Variants in L3MBTL4 observed in about 807,000 individuals in gnomAD.
L3MBTL4 encodes the protein lethal(3)malignant brain tumor-like protein 4.
A neutral mutation model predicts 84.5 loss-of-function variants in L3MBTL4; 70 were observed. That is an observed-to-expected ratio of 0.83 (90% CI 0.68 to 1.01). The LOEUF (loss-of-function observed/expected upper bound fraction) is 1.01, where lower values mean the gene tolerates loss of function less well. L3MBTL4 is among the 50% of genes least tolerant of loss of function. The probability of loss-of-function intolerance (pLI) is 0.00; values close to 1 mark genes in which losing one functional copy is unlikely to be tolerated. For missense variants in L3MBTL4, 715 were observed against 754.8 expected, an observed-to-expected ratio of 0.95 and a Z score of 0.62; for synonymous variants, 274 against 259.8, an observed-to-expected ratio of 1.05 and a Z score of -0.52.
At chr18:6,218,839 T>C (rs1210873820) in intron 10 of L3MBTL4, among the ~76,000 whole-genome samples, 1 of 152,076 alleles carries the variant, frequency 6.6e-6, no homozygotes, top group Non-Finnish European at 1.5e-5. Flanking sequence ...AAGCAAGAAG[T>C]AGGGCTGCAG....
intron 1 of L3MBTL4, among the ~76,000 whole-genome samples, chr18:6,412,495 T>C (rs1048490185): frequency 2.0e-5 from 3 of 152,166 alleles, no homozygotes; most frequent in African/African-American, 7.2e-5. Flanking sequence ...TTCTGCTTCC[T>C]TGGTCAGACT....
At chr18:6,008,736 G>T (rs1052285016) in intron 16 of L3MBTL4, among the ~76,000 whole-genome samples, 2 of 152,128 alleles carry the variant, frequency 1.3e-5, no homozygotes, top group Admixed American at 1.3e-4. Flanking sequence ...GAGTATCACG[G>T]GTTTGGATTT....
At chr18:6,108,385 G>T (rs1366294693) in intron 14 of L3MBTL4, among the ~76,000 whole-genome samples, 4 of 152,120 alleles carry the variant, frequency 2.6e-5, no homozygotes, top group African/African-American at 9.7e-5. Flanking sequence ...TAAAAAAACA[G>T]TTACAATAGA....
At chr18:6,378,727 T>G (rs183287862) in intron 1 of L3MBTL4, among the ~76,000 whole-genome samples, 1 of 152,206 alleles carries the variant, frequency 6.6e-6, no homozygotes, top group African/African-American at 2.4e-5. Context: ...TGTAGCCTTG[T>G]AGTATAGTTT....
chr18:6,142,936 T>G (rs1414217714), intron 13 of L3MBTL4, among the ~76,000 whole-genome samples: 1 of 152,114 alleles, frequency 6.6e-6, no homozygotes, highest in Non-Finnish European at 1.5e-5. Context: ...GCTTGTGTCA[T>G]TCAGTAAATA....
At chr18:6,303,124 G>A (rs966459478) in intron 3 of L3MBTL4, among the ~76,000 whole-genome samples, 1 of 151,932 alleles carries the variant, frequency 6.6e-6, no homozygotes, top group Non-Finnish European at 1.5e-5. Context: ...TAGTTTTTTG[G>A]GGTTTTTTTG....
At chr18:6,096,193 C>A (rs2058638732) in intron 14 of L3MBTL4, among the ~76,000 whole-genome samples, 1 of 152,164 alleles carries the variant, frequency 6.6e-6, no homozygotes, top group African/African-American at 2.4e-5. Flanking sequence ...ACAGACCCCT[C>A]CACAGTGAGC....
chr18:6,410,061 T>C (rs1052763525), intron 1 of L3MBTL4, among the ~76,000 whole-genome samples: 2 of 146,516 alleles, frequency 1.4e-5, no homozygotes, highest in African/African-American at 5.1e-5. Flanking sequence ...CCTGGATACC[T>C]GCAATGGCAT....
intron 15 of L3MBTL4, among the ~76,000 whole-genome samples, chr18:6,092,307 C>A (rs1598722291): frequency 6.6e-6 from 1 of 152,280 alleles, no homozygotes; most frequent in Middle Eastern, 3.4e-3. Context: ...AAAGTGTATC[C>A]TATGAGCCAA....
intron 16 of L3MBTL4, among the ~76,000 whole-genome samples, chr18:6,040,723 CT>C (rs2145709129): frequency 6.6e-6 from 1 of 152,130 alleles, no homozygotes; most frequent in Admixed American, 6.5e-5. Flanking sequence ...TGAAAAGAAC[CT>C]ACATTAGTCC....
chr18:6,342,151 C>A (rs2052638215), intron 1 of L3MBTL4, among the ~76,000 whole-genome samples: 1 of 152,100 alleles, frequency 6.6e-6, no homozygotes, highest in Non-Finnish European at 1.5e-5. Context: ...AAAGTTTAAA[C>A]AAAAGGACAC....
intron 13 of L3MBTL4, among the ~76,000 whole-genome samples, chr18:6,149,064 A>G (rs1472173790): frequency 6.6e-6 from 1 of 152,142 alleles, no homozygotes; most frequent in Non-Finnish European, 1.5e-5. Flanking sequence ...TATTATTATT[A>G]TACTTTAAGT....
intron 1 of L3MBTL4, among the ~76,000 whole-genome samples, chr18:6,337,818 GA>G (rs1489174751): frequency 6.6e-6 from 1 of 151,860 alleles, no homozygotes; most frequent in African/African-American, 2.4e-5. Context: ...TAACTATAAA[GA>G]AATCCAAATC....
At chr18:5,980,865 G>A (rs567708570) in intron 16 of L3MBTL4, among the ~76,000 whole-genome samples, 29 of 152,320 alleles carry the variant, frequency 1.9e-4, no homozygotes, top group African/African-American at 7.0e-4. Flanking sequence ...AAGCAGCGGT[G>A]CACACAGGAT....
intron 16 of L3MBTL4, among the ~76,000 whole-genome samples, chr18:6,010,474 A>C (rs1347474891): frequency 2.0e-5 from 3 of 152,178 alleles, no homozygotes; most frequent in Admixed American, 2.0e-4. Flanking sequence ...ACTGGAAAGG[A>C]GCCTCCCCAC....
rs77106819 is a variant in L3MBTL4, at chr18:6,068,952, C to G, written c.1444+11929G>C. Among the ~76,000 whole-genome samples the G allele has an allele frequency of 5.1e-3, 776 of 152,280 alleles. 5 individuals carry two copies. The highest frequency in any genetic ancestry group is 0.018 in the African/African-American group (748 of 41,540). On this transcript the variant is annotated intron_variant, in intron 16 of 18. Coordinates refer to ENST00000317931, the MANE Select transcript of L3MBTL4 (RefSeq NM_001330559.2). ...CCTAGGAATGAGACTTCCTGAGACC[C>G]AGACCACAGTGATTGTTAGTGCTCT...
intron 4 of L3MBTL4, among the ~76,000 whole-genome samples, chr18:6,275,019 G>A (rs2049022197): frequency 6.6e-6 from 1 of 152,164 alleles, no homozygotes; most frequent in Non-Finnish European, 1.5e-5. Context: ...CAGAGACGCT[G>A]AATCTTTGAA....
At chr18:5,965,415 C>G (rs1403128522) in intron 17 of L3MBTL4, among the ~76,000 whole-genome samples, 1 of 152,160 alleles carries the variant, frequency 6.6e-6, no homozygotes, top group African/African-American at 2.4e-5. Flanking sequence ...TTAAGTCTTC[C>G]CGAAGGATGC....
intron 15 of L3MBTL4, among the ~76,000 whole-genome samples, chr18:6,091,800 CA>C (rs1278589088): frequency 6.6e-6 from 1 of 151,938 alleles, no homozygotes; most frequent in Non-Finnish European, 1.5e-5. Context: ...AAAATATTTA[CA>C]AGTGAAACTG....
Sources: allele counts gnomAD v4.1 joint callset (sites outside exome capture counted in the v4.1 genomes callset), GRCh38; gene constraint gnomAD v4.1.1; transcripts MANE v1.5; gene names NCBI Gene and HGNC (gene_info 2026-07-23, HGNC 2026-07-21).